CPEB1: variants seen among roughly 807,000 people sequenced by gnomAD.
CPEB1 encodes the protein cytoplasmic polyadenylation element-binding protein 1.
CPEB1 carries 7 observed loss-of-function variants against 65.8 expected under a neutral mutation model. The observed-to-expected ratio is 0.11, with a 90% CI of 0.06 to 0.20. The LOEUF (loss-of-function observed/expected upper bound fraction) is 0.20. CPEB1 is among the 10% of genes least tolerant of loss of function. The pLI is 1.00. For synonymous variants in CPEB1, 262 were observed against 260.0 expected (o/e 1.01, Z -0.08); for missense variants, 551 against 712.2 (o/e 0.77, Z 2.58).
intron 3 of CPEB1, among the ~76,000 whole-genome samples, chr15:82,599,503 A>G (rs1163207097): frequency 1.3e-5 from 2 of 152,182 alleles, no homozygotes; most frequent in African/African-American, 2.4e-5. Flanking sequence ...GGATAGAACT[A>G]CTAGTCCAAA....
At chr15:82,560,478 T>C (rs2038014152) in intron 4 of CPEB1, among the ~76,000 whole-genome samples, 1 of 150,910 alleles carries the variant, frequency 6.6e-6, no homozygotes, top group South Asian at 2.1e-4. Flanking sequence ...AACCTCAATC[T>C]TCCTGGGCTC....
intron 1 of CPEB1, among the ~76,000 whole-genome samples, chr15:82,632,390 T>G (rs941641155): frequency 4.4e-4 from 67 of 152,234 alleles, no homozygotes; most frequent in African/African-American, 1.6e-3. Flanking sequence ...GTGTTTTAAC[T>G]GTCACCCATC....
At chr15:82,620,863 G>A (rs948860433) in intron 3 of CPEB1, among the ~76,000 whole-genome samples, 2 of 152,186 alleles carry the variant, frequency 1.3e-5, no homozygotes, top group African/African-American at 4.8e-5. Context: ...AGGACTGCAA[G>A]GGGAATTTTG....
intron 3 of CPEB1, among the ~76,000 whole-genome samples, chr15:82,618,782 T>A (rs1034035695): frequency 6.6e-6 from 1 of 152,148 alleles, no homozygotes; most frequent in Non-Finnish European, 1.5e-5. Flanking sequence ...CTGCAAGACA[T>A]CTACAAACAC....
intron 6 of CPEB1, 61 bp downstream of exon 6, chr15:82,555,809 C>A: frequency 6.4e-7 from 1 of 1,559,838 alleles, no homozygotes; most frequent in South Asian, 1.2e-5. Context: ...GAACTAAGGT[C>A]ACTTCCTCTC....
chr15:82,632,336 T>C (rs1393338998), intron 1 of CPEB1, among the ~76,000 whole-genome samples: 1 of 152,180 alleles, frequency 6.6e-6, no homozygotes, highest in Non-Finnish European at 1.5e-5. Context: ...GTTAATTTTA[T>C]ACAATATTTT....
At position 82,627,179 on chromosome 15, in the gene CPEB1, C is replaced by T; in HGVS notation, c.271+14G>A. ...CAGATGCCTACCACGTTCAAGTTTT[C>T]AAACCTAAATCACCTGGCAAATGAT... is the stretch of plus-strand genomic sequence containing the variant. On this transcript the variant is annotated intron_variant, in intron 3 of 12. Transcript: ENST00000684509. 1 of 1,606,200 alleles carries T rather than the reference C, an allele frequency of 6.2e-7. No homozygotes were observed. Among genetic ancestry groups the T allele is most frequent in the Non-Finnish European group, 8.5e-7 (1 of 1,176,126 alleles).
intron 3 of CPEB1, among the ~76,000 whole-genome samples, chr15:82,602,792 G>C (rs1479894206): frequency 6.6e-6 from 1 of 152,134 alleles, no homozygotes; most frequent in Non-Finnish European, 1.5e-5. Context: ...GTTACAGTGA[G>C]CCGAGATCAT....
chr15:82,617,047 T>C (rs2044781502), intron 3 of CPEB1, among the ~76,000 whole-genome samples: 1 of 152,234 alleles, frequency 6.6e-6, no homozygotes, highest in Non-Finnish European at 1.5e-5. Flanking sequence ...TAATACCCTT[T>C]TGAAATCCTT....
intron 3 of CPEB1, among the ~76,000 whole-genome samples, chr15:82,580,605 T>A (rs975308148): frequency 1.3e-5 from 2 of 152,160 alleles, no homozygotes; most frequent in African/African-American, 4.8e-5. Context: ...TGTGCAAGCA[T>A]CACTACTCTT....
At chr15:82,586,100 A>G (rs1038291646) in intron 3 of CPEB1, among the ~76,000 whole-genome samples, 2 of 152,220 alleles carry the variant, frequency 1.3e-5, no homozygotes, top group African/African-American at 2.4e-5. Flanking sequence ...ATCAGGATAC[A>G]AAAGTATGTA....
intron 4 of CPEB1, among the ~76,000 whole-genome samples, chr15:82,563,002 A>T (rs1451477039): frequency 6.6e-6 from 1 of 152,242 alleles, no homozygotes; most frequent in African/African-American, 2.4e-5. Flanking sequence ...AGTGGAGGAC[A>T]ACACAGAGAG....
At chr15:82,608,855 C>G (rs1036508093) in intron 3 of CPEB1, among the ~76,000 whole-genome samples, 4 of 152,082 alleles carry the variant, frequency 2.6e-5, no homozygotes, top group African/African-American at 9.7e-5. Flanking sequence ...ACAACTAGAA[C>G]AGACACAAGA....
At chr15:82,590,969 A>G (rs1299702031) in intron 3 of CPEB1, among the ~76,000 whole-genome samples, 1 of 152,192 alleles carries the variant, frequency 6.6e-6, no homozygotes, top group Non-Finnish European at 1.5e-5. Context: ...TAGCACTGCA[A>G]TGAACATATG....
intron 5 of CPEB1, 165 bp downstream of exon 5, chr15:82,557,595 T>A (rs1274980998): frequency 1.6e-6 from 1 of 621,166 alleles, no homozygotes; most frequent in African/African-American, 1.8e-5. Flanking sequence ...CTGTTAAGGA[T>A]GAGAACTCTA....
intron 3 of CPEB1, among the ~76,000 whole-genome samples, chr15:82,615,215 C>T (rs550670051): frequency 3.9e-5 from 6 of 152,038 alleles, no homozygotes; most frequent in Admixed American, 1.3e-4. Context: ...CAAAACTGTA[C>T]CCTATCCTCC....
intron 4 of CPEB1, among the ~76,000 whole-genome samples, chr15:82,563,186 C>T (rs1011245956): frequency 6.6e-6 from 1 of 152,022 alleles, no homozygotes; most frequent in Non-Finnish European, 1.5e-5. Context: ...GGAGCAAGGG[C>T]CTACTTAGAG....
At chr15:82,619,484 T>C (rs1274754625) in intron 3 of CPEB1, among the ~76,000 whole-genome samples, 1 of 152,172 alleles carries the variant, frequency 6.6e-6, no homozygotes, top group African/African-American at 2.4e-5. Context: ...AAGACGCCAA[T>C]TAAGAGTACA....
chr15:82,573,236 T>A, intron 3 of CPEB1: 3 of 828,216 alleles, frequency 3.6e-6, no homozygotes, highest in African/African-American at 3.0e-5. Context: ...CTTTGGAGAT[T>A]TTTTTTTTTT....
Sources: gnomAD v4.1 joint callset for allele counts (sites outside exome capture counted in the v4.1 genomes callset) on GRCh38, gnomAD v4.1.1 for gene constraint, MANE v1.5 for transcripts, NCBI Gene and HGNC (gene_info 2026-07-23, HGNC 2026-07-21) for gene names.